The following ZSCAN2 variants were observed in gnomAD, a reference collection of about 807,000 sequenced individuals.
ZSCAN2 encodes zinc finger and SCAN domain containing 2, also known as zinc finger and SCAN domain-containing protein 2.
Under a neutral mutation model 47.8 loss-of-function variants are expected in ZSCAN2, and 26 were observed. The ratio of observed to expected loss-of-function variants is 0.54; its 90% CI spans 0.40 to 0.75. The LOEUF is 0.75. Ranked by LOEUF, ZSCAN2 falls within the 30% of genes least tolerant of loss-of-function variation. ZSCAN2 has a pLI of 0.00. For missense variants in ZSCAN2, 732 were observed against 785.4 expected (o/e 0.93, Z 0.81); for synonymous variants, 305 against 288.7 (o/e 1.06, Z -0.57).
At chr15:84,602,734 G>A (rs1343348850) in intron 1 of ZSCAN2, among the ~76,000 whole-genome samples, 2 of 151,694 alleles carry the variant, frequency 1.3e-5, no homozygotes, top group East Asian at 1.9e-4. Flanking sequence ...GATTACAGGC[G>A]CCCGTCACCA....
chr15:84,606,287 T>G (rs1447542310), intron 2 of ZSCAN2: 1 of 461,724 alleles, frequency 2.2e-6, no homozygotes, highest in Non-Finnish European at 4.0e-6. Context: ...ACCTTCATGC[T>G]TGTCTCACTA....
At position 84,621,491 on chromosome 15, in the gene ZSCAN2, C is replaced by G; in HGVS notation, c.1296C>G (p.Asn432Lys). The change falls in exon 3 of 3, where the codon AAC (asparagine) becomes AAG (lysine). Residue 432 changes from asparagine to lysine, a missense_variant. Transcript: ENST00000546148. This position sits in a 1 kb window ranked among gnomAD's most constrained non-coding sequence, Gnocchi z 5.7. ...ECGKSFSRSS[N>K]LATHRRTHMV... Reference sequence around the variant, plus strand: ...GGAAAAGCTTCAGCCGCAGCTCTAACCTGGCCACACACCGGAGAACCCACA... The same window carrying G: ...GGAAAAGCTTCAGCCGCAGCTCTAAGCTGGCCACACACCGGAGAACCCACA... 6.2e-7 allele frequency: 1 copy of G among 1,612,758 alleles called. No individual in the cohort carries two copies. The highest frequency in any genetic ancestry group is 2.2e-5 in the East Asian group (1 of 44,822).
At chr15:84,606,754 C>CTT in intron 2 of ZSCAN2, 3 of 1,376,160 alleles carry the variant, frequency 2.2e-6, no homozygotes, top group Non-Finnish European at 2.8e-6. Flanking sequence ...TGCCTTTCAT[C>CTT]TTTAACTGGG....
rs1279584349 is a variant in ZSCAN2 at position 84,612,009 on chromosome 15, TTC to T, written c.406+7678_406+7679del. ...ATTTTTGTATCTGACCAAAACCAGT[TTC>T]TGAGTTTTCATTTTCTTAATTGGCC... On this transcript the variant is annotated intron_variant, in intron 2 of 2. Coordinates refer to ENST00000546148, the MANE Select transcript of ZSCAN2 (RefSeq NM_181877.4). The T allele has an allele frequency of 3.3e-5, 5 of 152,330 alleles. No homozygotes were observed. In the East Asian group the frequency reaches 9.6e-4, roughly 29 times the overall value. The allele number at this position is 152,330 out of a possible 1,614,324, so 9.4% of individuals were successfully genotyped here. A position where few individuals can be genotyped will look rare whatever the true frequency, so the allele number is the denominator to read the frequency against.
At chr15:84,619,817 A>C (rs1040549043) in intron 2 of ZSCAN2, among the ~76,000 whole-genome samples, 2 of 152,152 alleles carry the variant, frequency 1.3e-5, no homozygotes, top group Admixed American at 1.3e-4. Context: ...AGATGAAGAC[A>C]CAGGTAGTGG....
chr15:84,604,078 C>T lies in ZSCAN2; in HGVS notation c.151C>T (p.Pro51Ser), dbSNP rs774686879. ...AGAAGCTGTGCTGCAGGAGGATGGC[C>T]CTGAGTCTGAGCCCTTTCCCCAGAG... is the stretch of plus-strand genomic sequence containing the variant. Reference protein sequence around the residue: ...VQEAVLQEDGPESEPFPQSAG... With the variant: ...VQEAVLQEDGSESEPFPQSAG... Residue 51 changes from proline to serine, a missense_variant, in exon 2 of 3, where the codon CCT (proline) becomes TCT (serine). This residue lies in a region of ZSCAN2 where 320 missense variants were observed against 287.4 expected (regional missense o/e 1.11). Coordinates refer to ENST00000546148, the MANE Select transcript of ZSCAN2 (RefSeq NM_181877.4). 1.2e-6 allele frequency: 2 copies of T among 1,614,110 alleles called. No homozygotes were observed. Among genetic ancestry groups the T allele is most frequent in the East Asian group, 2.2e-5 (1 of 44,876 alleles).
rs111878314 is a variant in ZSCAN2, at chr15:84,619,247, T to C, written c.407-1355T>C. Among the ~76,000 whole-genome samples the C allele has an allele frequency of 5.6e-3, 854 of 152,056 alleles. 9 individuals are homozygous for C. Among genetic ancestry groups the C allele is most frequent in the East Asian group, 0.018 (91 of 5,148 alleles). ...GAGATCGAGACCATCCTGGCTAACA[T>C]GGTGAAACCCCGTCTCTCTAAAAAT... On this transcript the variant is annotated intron_variant, in intron 2 of 2. Coordinates refer to ENST00000546148, the MANE Select transcript of ZSCAN2 (RefSeq NM_181877.4).
chr15:84,610,009 G>A (rs953376416), intron 2 of ZSCAN2, among the ~76,000 whole-genome samples: 16 of 152,326 alleles, frequency 1.1e-4, no homozygotes, highest in African/African-American at 3.4e-4. Flanking sequence ...CCCTGTGAAC[G>A]GCCACGGGAA....
chr15:84,617,360 T>G (rs1895718110), intron 2 of ZSCAN2, among the ~76,000 whole-genome samples: 1 of 146,972 alleles, frequency 6.8e-6, no homozygotes, highest in Non-Finnish European at 1.5e-5. Flanking sequence ...TGCTTGAACC[T>G]GGGAGGCGGA....
chr15:84,616,429 T>A (rs1318691256), intron 2 of ZSCAN2: 1 of 1,574,936 alleles, frequency 6.3e-7, no homozygotes, highest in East Asian at 2.3e-5. Context: ...AGGAAGTGAT[T>A]TTCTGCCTGA....
rs1018133162 is a variant in ZSCAN2, at chr15:84,622,893, G to A, written c.*853G>A. ...GAGCCCTAGCTGCCAACCCATGGTG[G>A]ATGGTAACTTCTGTCTCATCAAGAG... On this transcript the variant is annotated 3_prime_UTR_variant, in exon 3 of 3. Coordinates refer to ENST00000546148, the MANE Select transcript of ZSCAN2 (RefSeq NM_181877.4). 2 of 580,088 alleles carry A rather than the reference G, an allele frequency of 3.4e-6. No homozygotes were observed. The highest frequency in any genetic ancestry group is 4.5e-5 in the South Asian group (2 of 44,412). The allele number at this position is 580,088 out of a possible 1,614,324, so 35.9% of individuals were successfully genotyped here.
chr15:84,601,011 C>G lies in ZSCAN2; in HGVS notation c.-233C>G, dbSNP rs1249104398. 6.6e-6 allele frequency: 1 copy of G among 152,272 alleles called. No individual in the cohort carries two copies. Among genetic ancestry groups the G allele is most frequent in the Non-Finnish European group, 1.5e-5 (1 of 68,114 alleles). The allele number at this position is 152,272 out of a possible 1,614,324, so 9.4% of individuals were successfully genotyped here. ...AATGAGCGCGGCGGTGGGCGGGCCT[C>G]TCCCGTCCATTGTTCTCGGTGCCCC... On this transcript the variant is annotated 5_prime_UTR_variant, in exon 1 of 3. Transcript: ENST00000546148.
At position 84,622,005 on chromosome 15, in the gene ZSCAN2, C is replaced by T. The variant is rs769486060; in HGVS notation, c.1810C>T (p.His604Tyr). ...GFSNSSNFIT[H>Y]QRTHMKEKLY ...CAGCAACAGCTCTAACTTTATCACA[C>T]ATCAGAGAACTCACATGAAAGAGAA... The change falls in exon 3 of 3, where the codon CAT becomes TAT. Residue 604 changes from histidine (H) to tyrosine (Y), a missense_variant. Coordinates refer to ENST00000546148, the MANE Select transcript of ZSCAN2 (RefSeq NM_181877.4). 6.2e-7 allele frequency: 1 copy of T among 1,609,796 alleles called. No homozygotes were observed. The highest frequency in any genetic ancestry group is 8.5e-7 in the Non-Finnish European group (1 of 1,177,306).
intron 2 of ZSCAN2, among the ~76,000 whole-genome samples, chr15:84,612,699 T>C (rs1456756446): frequency 6.6e-6 from 1 of 151,892 alleles, no homozygotes; most frequent in Non-Finnish European, 1.5e-5. Context: ...CATGCCACTG[T>C]ACTCCGGCCT....
chr15:84,605,098 C>T (rs1424473400), intron 2 of ZSCAN2, among the ~76,000 whole-genome samples: 1 of 152,142 alleles, frequency 6.6e-6, no homozygotes, highest in Non-Finnish European at 1.5e-5. Context: ...TAACTAGGGA[C>T]TTTCTGTGGT....
intron 2 of ZSCAN2, chr15:84,616,355 G>A: frequency 6.2e-7 from 1 of 1,609,994 alleles, no homozygotes; most frequent in Non-Finnish European, 8.5e-7. Context: ...TCCAGTTGCA[G>A]CCTCACCTCC....
chr15:84,606,781 C>G, intron 2 of ZSCAN2: 1 of 1,351,254 alleles, frequency 7.4e-7, no homozygotes, highest in South Asian at 1.8e-5. Context: ...AGATGGGAAC[C>G]AATGGGGACC....
At chr15:84,613,390 G>A (rs929090916) in intron 2 of ZSCAN2, among the ~76,000 whole-genome samples, 3 of 150,802 alleles carry the variant, frequency 2.0e-5, no homozygotes, top group African/African-American at 7.3e-5. Context: ...GCACAATCTC[G>A]GTACACTGCA....
rs774337892 is a variant in ZSCAN2 at position 84,622,510 on chromosome 15, C to G, written c.*470C>G. On this transcript the variant is annotated 3_prime_UTR_variant, in exon 3 of 3. Coordinates refer to ENST00000546148, the MANE Select transcript of ZSCAN2 (RefSeq NM_181877.4). ...GCCTTCACCCCAAGCTGTTAGTGTT[C>G]CAGGGCACCCCAAGCTGTCAGTTAG... The G allele has an allele frequency of 7.5e-6, 5 of 668,990 alleles. No homozygotes were observed. The highest frequency in any genetic ancestry group is 1.4e-5 in the Non-Finnish European group (5 of 362,312). The allele number at this position is 668,990 out of a possible 1,614,324, so 41.4% of individuals were successfully genotyped here. A position where few individuals can be genotyped will look rare whatever the true frequency, so the allele number is the denominator to read the frequency against.
Sources: gnomAD v4.1 joint callset for allele counts (sites outside exome capture counted in the v4.1 genomes callset) on GRCh38, gnomAD v4.1.1 for gene constraint, gnomAD v4.1.1 regional missense constraint, Gnocchi (gnomAD v3.1) non-coding constraint, MANE v1.5 for transcripts, NCBI Gene and HGNC (gene_info 2026-07-23, HGNC 2026-07-21) for gene names.